SNRNP70: variants seen among roughly 807,000 people sequenced by gnomAD.
SNRNP70 encodes U1 small nuclear ribonucleoprotein 70 kDa.
Under a neutral mutation model 50.5 loss-of-function variants are expected in SNRNP70, and 8 were observed. That is an observed-to-expected ratio of 0.16 (90% confidence interval 0.09 to 0.29). The LOEUF (loss-of-function observed/expected upper bound fraction) is 0.29, where lower values mean the gene tolerates loss of function less well. Ranked by LOEUF, SNRNP70 falls within the 10% of genes least tolerant of loss-of-function variation. The pLI, the probability that SNRNP70 is intolerant of heterozygous loss-of-function variation, is 1.00. For missense variants in SNRNP70, 529 were observed against 663.5 expected (o/e 0.80, Z 2.23); for synonymous variants, 320 against 252.9 (o/e 1.27, Z -2.52).
At chr19:49,086,346 C>T (rs993167582) in intron 1 of SNRNP70, 59 bp from the exon 2 acceptor site, 90 of 1,515,066 alleles carry the variant, frequency 5.9e-5, no homozygotes, top group Non-Finnish European at 7.5e-5. Flanking sequence ...CAAGGAGTAA[C>T]AGGGGCTTTC....
rs1355551695 is a variant in SNRNP70, at chr19:49,100,822, AAAAAG to A, written c.394-565_394-561del. Among the ~76,000 whole-genome samples, 1,166 of 151,806 alleles carry A rather than the reference AAAAAG, an allele frequency of 7.7e-3. 16 individuals are homozygous for A. Among genetic ancestry groups the A allele is most frequent in the Middle Eastern group, 0.021 (6 of 292 alleles). ...CTCTGTCTCCAAAAAAAAAAAAAAA[AAAAAG>A]AATTCCCGTCCCATTGGCATTCACA... On this transcript the variant is annotated intron_variant, in intron 6 of 9. Coordinates refer to ENST00000598441, the MANE Select transcript of SNRNP70 (RefSeq NM_003089.6).
In SNRNP70 at chr19:49,086,781, G is replaced by A. The variant is rs189593253; in HGVS notation, c.147+220G>A. ...GCTACTCAGGAGGCTGAGGTGGGAGGATTGCTTGAGCCCAGGAGTCGGAGG... is the reference window on the plus strand; with the variant it reads ...GCTACTCAGGAGGCTGAGGTGGGAGAATTGCTTGAGCCCAGGAGTCGGAGG... On this transcript the variant is annotated intron_variant, in intron 2 of 9. Coordinates refer to ENST00000598441, the MANE Select transcript of SNRNP70 (RefSeq NM_003089.6). 4.3e-3 allele frequency among the ~76,000 whole-genome samples: 660 copies of A among 152,152 alleles called. 3 individuals are homozygous for A. Among genetic ancestry groups the A allele is most frequent in the African/African-American group, 0.015 (629 of 41,492 alleles).
rs1365608459 is a variant in SNRNP70, at chr19:49,098,715, T to G, written c.393+11T>G. On this transcript the variant is annotated intron_variant, in intron 6 of 9. Transcript: ENST00000598441. ...GGACCTATCAAAAGAGTAAGTGGAG[T>G]GGGTCAGGGTGTTTGAATTGGGGGT... 1 of 1,610,416 alleles carries G rather than the reference T, an allele frequency of 6.2e-7. No individual in the cohort carries two copies. Among genetic ancestry groups the G allele is most frequent in the Non-Finnish European group, 8.5e-7 (1 of 1,177,404 alleles).
chr19:49,097,402 TTA>T (rs1318356514), intron 4 of SNRNP70, among the ~76,000 whole-genome samples: 1 of 152,192 alleles, frequency 6.6e-6, no homozygotes, highest in African/African-American at 2.4e-5. Flanking sequence ...GTTCAGTAAA[TTA>T]TATGTCTAAT....
chr19:49,102,082 G>A lies in SNRNP70; in HGVS notation c.475+611G>A, dbSNP rs759253589. 6.0e-5 allele frequency: 71 copies of A among 1,179,066 alleles called. 1 individual carries two copies. Among genetic ancestry groups the A allele is most frequent in the Middle Eastern group, 6.3e-4 (2 of 3,160 alleles). 73.0% of individuals were successfully genotyped at this position (1,179,066 alleles called of 1,614,324 possible). A position where few individuals can be genotyped will look rare whatever the true frequency, so the allele number is the denominator to read the frequency against. On this transcript the variant is annotated intron_variant, in intron 7 of 9. Coordinates refer to ENST00000598441, the MANE Select transcript of SNRNP70 (RefSeq NM_003089.6). The stretch of plus-strand genomic sequence containing the variant: ...GGCTGCGGCGTGTCCAGGGGCCGCC[G>A]TATTAATTGACTGTTCTTATTGTCA...
At chr19:49,106,970 T>G (rs2040678144) in intron 8 of SNRNP70, among the ~76,000 whole-genome samples, 1 of 152,174 alleles carries the variant, frequency 6.6e-6, no homozygotes, top group East Asian at 1.9e-4. Context: ...AGGAAGCGTT[T>G]CTGCAACTGT....
In SNRNP70 at chr19:49,108,014, TCGGGAGCGGGCCCGG is replaced by T. The variant is rs772299934; in HGVS notation, c.896_910del (p.Ala299_Arg303del). The T allele has an allele frequency of 1.3e-6, 2 of 1,545,100 alleles. No homozygotes were observed. Among genetic ancestry groups the T allele is most frequent in the Non-Finnish European group, 1.7e-6 (2 of 1,145,622 alleles). On this transcript the variant is annotated inframe_deletion, in exon 10 of 10. Coordinates refer to ENST00000598441, the MANE Select transcript of SNRNP70 (RefSeq NM_003089.6). ...ACCGGAAGCGGCGAAGCAGCCGGAG[TCGGGAGCGGGCCCGG>T]CGGGAGCGGGAGCGCAAGGAGGAGC...
chr19:49,086,869 C>G (rs914295798), intron 2 of SNRNP70, among the ~76,000 whole-genome samples: 28 of 125,718 alleles, frequency 2.2e-4, no homozygotes, highest in African/African-American at 8.1e-4. Context: ...GACTTCGTCT[C>G]TCAAAAAAAA....
At position 49,104,375 on chromosome 19, in the gene SNRNP70, G is replaced by T; in HGVS notation, c.476-259G>T. The T allele has an allele frequency of 2.2e-6, 1 of 458,942 alleles. No homozygotes were observed. Among genetic ancestry groups the T allele is most frequent in the Non-Finnish European group, 3.9e-6 (1 of 254,022 alleles). 28.4% of individuals were successfully genotyped at this position (458,942 alleles called of 1,614,324 possible). On this transcript the variant is annotated intron_variant, in intron 7 of 9. Transcript: ENST00000598441. The surrounding 1 kb of genome is among the most constrained non-coding windows in gnomAD (Gnocchi z 5.4). ...GAGAGGAAGGGCCGGGGAGCCTAGG[G>T]GGTGGCGGGTGAGGGTGGACGTCTC... is the stretch of plus-strand genomic sequence containing the variant.
At position 49,099,916 on chromosome 19, in the gene SNRNP70, CTGTG is replaced by C. The variant is rs564880870; in HGVS notation, c.393+1224_393+1227del. On this transcript the variant is annotated intron_variant, in intron 6 of 9. Transcript: ENST00000598441. The stretch of plus-strand genomic sequence containing the variant: ...ATTAGCCGAGTGTGGTGTCTCGTGC[CTGTG>C]TGTGTGTGTGTATGTGCATGTGTAT... Among the ~76,000 whole-genome samples, 10 of 150,554 alleles carry C rather than the reference CTGTG, an allele frequency of 6.6e-5. No homozygotes were observed. In the East Asian group the frequency reaches 1.2e-3, roughly 17 times the overall value.
chr19:49,100,622 T>C (rs890773303), intron 6 of SNRNP70, among the ~76,000 whole-genome samples: 1 of 152,004 alleles, frequency 6.6e-6, no homozygotes. Context: ...CTGGCCAACA[T>C]GGTGAAACCC....
chr19:49,106,409 TCTG>T (rs1215410861), intron 8 of SNRNP70, among the ~76,000 whole-genome samples: 1 of 152,212 alleles, frequency 6.6e-6, no homozygotes, highest in Non-Finnish European at 1.5e-5. Context: ...ATAGTTGTAT[TCTG>T]CTGTTTTGTT....
At chr19:49,101,595 C>A in intron 7 of SNRNP70, 124 bp downstream of exon 7, 1 of 680,416 alleles carries the variant, frequency 1.5e-6, no homozygotes, top group Non-Finnish European at 2.7e-6. Context: ...TCTTCTCCTC[C>A]TCCCTCTGTT....
rs1008119440 is a variant in SNRNP70, at chr19:49,086,680, T to A, written c.147+119T>A. On this transcript the variant is annotated intron_variant, in intron 2 of 9. Coordinates refer to ENST00000598441, the MANE Select transcript of SNRNP70 (RefSeq NM_003089.6). Reference sequence around the variant, plus strand: ...TGATTTAAGCGAGGGGCTTAACCTTTGTGATCCTCAGTTTCTCTGTTTTAA... The same window carrying A: ...TGATTTAAGCGAGGGGCTTAACCTTAGTGATCCTCAGTTTCTCTGTTTTAA... 44 of 911,744 alleles carry A rather than the reference T, an allele frequency of 4.8e-5. 1 individual carries two copies. The African/African-American group carries it at 6.8e-4, about 14-fold the overall frequency. 56.5% of individuals were successfully genotyped at this position (911,744 alleles called of 1,614,324 possible).
In SNRNP70 at chr19:49,101,386, A is replaced by T. The variant is rs566059525; in HGVS notation, c.394-4A>T. On this transcript the variant is annotated splice_polypyrimidine_tract_variant and splice_region_variant and intron_variant, in intron 6 of 9. Coordinates refer to ENST00000598441, the MANE Select transcript of SNRNP70 (RefSeq NM_003089.6). ...ACTCACCCCTGTCCCCATGTGCCCCACAGATACACATGGTCTACAGTAAGC... is the reference window on the plus strand; with the variant it reads ...ACTCACCCCTGTCCCCATGTGCCCCTCAGATACACATGGTCTACAGTAAGC... The T allele has an allele frequency of 1.9e-6, 3 of 1,611,966 alleles. No individual in the cohort carries two copies. In the East Asian group the frequency reaches 6.7e-5, roughly 36 times the overall value.
intron 7 of SNRNP70, 155 bp downstream of exon 7, chr19:49,101,626 T>A: frequency 3.2e-6 from 2 of 617,328 alleles, no homozygotes; most frequent in Admixed American, 2.7e-5. Context: ...CTTTTTTTTT[T>A]TTATATACGT....
chr19:49,098,805 A>G, intron 6 of SNRNP70, 101 bp downstream of exon 6: 1 of 929,252 alleles, frequency 1.1e-6, no homozygotes, highest in South Asian at 1.3e-5. Context: ...CATGGCTCAC[A>G]CCATTTCAGG....
Position 49,107,934 on chromosome 19 carries a change from C to A in SNRNP70, c.805C>A (p.Arg269Ser). ...SRDRRRRSRSRDKEERRRSRE... is the reference protein window; with the variant it reads ...SRDRRRRSRSSDKEERRRSRE... ...GGACCGGCGGAGGCGCTCACGGAGTCGCGACAAGGAGGAGCGGAGGCGCTC... is the reference window on the plus strand; with the variant it reads ...GGACCGGCGGAGGCGCTCACGGAGTAGCGACAAGGAGGAGCGGAGGCGCTC... The change falls in exon 10 of 10, where the codon CGC becomes AGC. Residue 269 changes from arginine to serine, a missense_variant. Arg to Ser is a moderately radical substitution (Grantham distance 110). This residue lies in a region of SNRNP70 where 327 missense variants were observed against 308.8 expected (regional missense o/e 1.06). Transcript: ENST00000598441. The surrounding 1 kb of genome is among the most constrained non-coding windows in gnomAD (Gnocchi z 6.0). 1 of 1,547,336 alleles carries A rather than the reference C, an allele frequency of 6.5e-7. No individual in the cohort carries two copies. Among genetic ancestry groups the A allele is most frequent in the South Asian group, 1.2e-5 (1 of 83,982 alleles).
At chr19:49,098,308 C>T (rs2040538395) in intron 4 of SNRNP70, 119 bp from the exon 5 acceptor site, 1 of 800,074 alleles carries the variant, frequency 1.2e-6, no homozygotes, top group Non-Finnish European at 2.1e-6. Context: ...CCATGTTCCT[C>T]CAGTTAGGGG....
Sources: allele counts gnomAD v4.1 joint callset (sites outside exome capture counted in the v4.1 genomes callset), GRCh38; gene constraint gnomAD v4.1.1; regional missense constraint gnomAD v4.1.1; non-coding constraint Gnocchi (gnomAD v3.1); transcripts MANE v1.5; gene names NCBI Gene and HGNC (gene_info 2026-07-23, HGNC 2026-07-21).